SLF2: variants seen among roughly 807,000 people sequenced by gnomAD.
The protein encoded by SLF2 is SMC5-SMC6 complex localization factor protein 2.
A neutral mutation model predicts 124.3 loss-of-function variants in SLF2; 68 were observed. The ratio of observed to expected loss-of-function variants is 0.55; its 90% CI spans 0.45 to 0.67. The LOEUF (loss-of-function observed/expected upper bound fraction) is 0.67. Among genes scored for constraint, SLF2 ranks in the 30% least tolerant of loss-of-function variants. The pLI, the probability that SLF2 is intolerant of heterozygous loss-of-function variation, is 0.00. For missense variants in SLF2, 1,246 were observed against 1,373.7 expected (o/e 0.91, Z 1.47); for synonymous variants, 480 against 478.8 (o/e 1.00, Z -0.03).
intron 10 of SLF2, 33 bp from the exon 11 acceptor site, chr10:100,938,562 A>C (rs1447951543): frequency 6.3e-7 from 1 of 1,591,510 alleles, no homozygotes; most frequent in East Asian, 2.3e-5. Flanking sequence ...TAGACCACAG[A>C]TTTAGAATGA....
rs747884863 is a variant in SLF2 at position 100,961,873 on chromosome 10, T to C, written c.3487-4T>C. ...ACCCTCTTTTTTCTCCTTCCCTTTT[T>C]TAGGGGCAGCTTCATGACTTCTGGG... is the stretch of plus-strand genomic sequence containing the variant. On this transcript the variant is annotated splice_polypyrimidine_tract_variant and splice_region_variant and intron_variant, in intron 19 of 19. Coordinates refer to ENST00000238961, the MANE Select transcript of SLF2 (RefSeq NM_018121.4). 8 of 1,606,946 alleles carry C rather than the reference T, an allele frequency of 5.0e-6. No individual in the cohort carries two copies. In the African/African-American group the frequency reaches 6.7e-5, roughly 13 times the overall value.
chr10:100,927,454 G>T (rs1181528017), intron 6 of SLF2, among the ~76,000 whole-genome samples: 2 of 152,136 alleles, frequency 1.3e-5, no homozygotes, highest in Non-Finnish European at 2.9e-5. Context: ...TTATTCCATT[G>T]TATTATGTAT....
In SLF2 at chr10:100,924,662, A is replaced by G; in HGVS notation, c.1661A>G (p.Lys554Arg). ...CGCTCAGAATATGGCACTCCTACAA[A>G]GTCTCCCCCTGCTGCTTTGGAAGTT... ...PLRSEYGTPT[K>R]SPPAALEVVP... Residue 554 changes from lysine (K) to arginine (R), a missense_variant, in exon 5 of 20, where the codon AAG becomes AGG. By Grantham distance (26) the Lys-to-Arg change is conservative. Coordinates refer to ENST00000238961, the MANE Select transcript of SLF2 (RefSeq NM_018121.4). 6.2e-7 allele frequency: 1 copy of G among 1,614,102 alleles called. No homozygotes were observed. Among genetic ancestry groups the G allele is most frequent in the Non-Finnish European group, 8.5e-7 (1 of 1,180,024 alleles).
At chr10:100,958,416 T>C (rs1284142730) in intron 18 of SLF2, among the ~76,000 whole-genome samples, 1 of 152,256 alleles carries the variant, frequency 6.6e-6, no homozygotes. Flanking sequence ...AGCACATTCT[T>C]TTGAGCATTC....
Position 100,947,844 on chromosome 10 carries a change from G to A in SLF2, c.3117G>A (p.Leu1039=). The change falls in exon 15 of 20, where the codon CTG becomes CTA. Residue 1039 remains leucine (L), a synonymous_variant. Transcript: ENST00000238961. ...KHEDVPNASN[L]QVSVLHRYLV... ...AAGATGTTCCTAATGCCAGTAATCT[G>A]CAGGTATAAATAAATACATTTTTAT... 6.2e-7 allele frequency: 1 copy of A among 1,606,124 alleles called. No individual in the cohort carries two copies. Among genetic ancestry groups the A allele is most frequent in the Middle Eastern group, 1.7e-4 (1 of 5,758 alleles).
chr10:100,950,353 A>T (rs113238150), intron 16 of SLF2, 146 bp downstream of exon 16: 2 of 981,242 alleles, frequency 2.0e-6, no homozygotes, highest in African/African-American at 3.3e-5. Context: ...AATATTTTTA[A>T]TTTATCACTG....
At chr10:100,925,926 AT>A (rs1171397072) in intron 5 of SLF2, 22 bp from the exon 6 acceptor site, 2 of 1,554,020 alleles carry the variant, frequency 1.3e-6, no homozygotes, top group African/African-American at 2.7e-5. Context: ...GTGGTAAAGT[AT>A]TTCTAAATGT....
At chr10:100,933,402 C>A (rs1001455357) in intron 9 of SLF2, among the ~76,000 whole-genome samples, 2 of 152,134 alleles carry the variant, frequency 1.3e-5, no homozygotes, top group South Asian at 4.1e-4. Context: ...GATTCCAAGT[C>A]CGTTTTCATC....
intron 9 of SLF2, among the ~76,000 whole-genome samples, chr10:100,935,663 G>C (rs1396645582): frequency 8.6e-5 from 13 of 151,572 alleles, no homozygotes; most frequent in Admixed American, 8.6e-4. Flanking sequence ...CTGGGCAACA[G>C]AGTGAGACTC....
intron 12 of SLF2, among the ~76,000 whole-genome samples, 187 bp downstream of exon 12, chr10:100,944,315 GA>G (rs889308578): frequency 1.4e-4 from 22 of 152,076 alleles, no homozygotes; most frequent in Non-Finnish European, 2.1e-4. Flanking sequence ...CTAACACGGT[GA>G]AAACCCGTCT....
chr10:100,946,977 T>C, intron 13 of SLF2, 62 bp from the exon 14 acceptor site: 5 of 1,254,928 alleles, frequency 4.0e-6, no homozygotes, highest in Non-Finnish European at 5.8e-6. Flanking sequence ...GTAGATGATC[T>C]GTTGGGTGTT....
chr10:100,918,835 G>A (rs1289235081), intron 4 of SLF2, among the ~76,000 whole-genome samples: 2 of 151,910 alleles, frequency 1.3e-5, no homozygotes, highest in Non-Finnish European at 2.9e-5. Context: ...CGTTGCCCAG[G>A]CTGGTCTCAA....
chr10:100,956,615 G>A lies in SLF2; in HGVS notation c.3417+78G>A, dbSNP rs1161077424. 2.8e-6 allele frequency: 3 copies of A among 1,065,738 alleles called. No individual in the cohort carries two copies. In the East Asian group the frequency reaches 7.2e-5, roughly 26 times the overall value. The allele number at this position is 1,065,738 out of a possible 1,614,324, so 66.0% of individuals were successfully genotyped here. On this transcript the variant is annotated intron_variant, in intron 18 of 19. Coordinates refer to ENST00000238961, the MANE Select transcript of SLF2 (RefSeq NM_018121.4). Reference sequence around the variant, plus strand: ...TAATATTTAAGGATAGAAGCATACAGGCCTATATTCAGAAAAAGAACATAT... The same window carrying A: ...TAATATTTAAGGATAGAAGCATACAAGCCTATATTCAGAAAAAGAACATAT...
At chr10:100,919,765 C>T (rs1395113488) in intron 4 of SLF2, among the ~76,000 whole-genome samples, 1 of 152,194 alleles carries the variant, frequency 6.6e-6, no homozygotes, top group Non-Finnish European at 1.5e-5. Flanking sequence ...TCATTGAGTA[C>T]TTACTGTGTG....
At chr10:100,952,857 T>G (rs2133824195) in intron 17 of SLF2, among the ~76,000 whole-genome samples, 1 of 151,736 alleles carries the variant, frequency 6.6e-6, no homozygotes, top group South Asian at 2.1e-4. Context: ...GAGAATTGCT[T>G]GAACCCAGGA....
At chr10:100,927,397 A>G (rs1018668772) in intron 6 of SLF2, among the ~76,000 whole-genome samples, 1 of 152,224 alleles carries the variant, frequency 6.6e-6, no homozygotes, top group Non-Finnish European at 1.5e-5. Context: ...TTCAGAGTTC[A>G]TTCATATAGT....
intron 9 of SLF2, among the ~76,000 whole-genome samples, chr10:100,935,845 GTTTTTTTTTTTTTCT>G (rs1415114185): frequency 7.5e-6 from 1 of 132,536 alleles, no homozygotes; most frequent in Admixed American, 8.1e-5. Flanking sequence ...GATTTTTTGG[GTTTTTTTTTTTTTCT>G]TTTTTTTTTT....
chr10:100,951,552 T>C (rs974653880), intron 17 of SLF2, among the ~76,000 whole-genome samples: 3 of 152,172 alleles, frequency 2.0e-5, no homozygotes, highest in Admixed American at 6.5e-5. Context: ...CGTATGGCCT[T>C]ACAAGGGATG....
chr10:100,957,330 A>ATTTTTTTTT lies in SLF2; in HGVS notation c.3417+822_3417+830dup, dbSNP rs71013477. On this transcript the variant is annotated intron_variant, in intron 18 of 19. Coordinates refer to ENST00000238961, the MANE Select transcript of SLF2 (RefSeq NM_018121.4). ...AATATGTTAAAGGAAGGAGTCTTCA[A>ATTTTTTTTT]TTTTTTTTTTTTTTTTTTTTTTTTT... 3.9e-4 allele frequency among the ~76,000 whole-genome samples: 36 copies of ATTTTTTTTT among 91,850 alleles called. 1 individual carries two copies. The highest frequency in any genetic ancestry group is 5.6e-4 in the Non-Finnish European group (29 of 51,706). 60.3% of individuals were successfully genotyped at this position (91,850 alleles called of 152,430 possible).
Sources: gnomAD v4.1 joint callset for allele counts (sites outside exome capture counted in the v4.1 genomes callset) on GRCh38, gnomAD v4.1.1 for gene constraint, MANE v1.5 for transcripts, NCBI Gene and HGNC (gene_info 2026-07-23, HGNC 2026-07-21) for gene names.